PRKN: variants seen among roughly 807,000 people sequenced by gnomAD.
The protein encoded by PRKN is E3 ubiquitin-protein ligase parkin.
A neutral mutation model predicts 59.5 loss-of-function variants in PRKN; 56 were observed. The observed-to-expected ratio is 0.94, with a 90% confidence interval of 0.76 to 1.18. PRKN has a LOEUF of 1.18. PRKN is among the 50% of genes most tolerant of loss of function. The pLI is 0.00. For missense variants in PRKN, 657 were observed against 596.4 expected, an observed-to-expected ratio of 1.10 and a Z score of -1.06; for synonymous variants, 250 against 222.1, an observed-to-expected ratio of 1.13 and a Z score of -1.12.
intron 4 of PRKN, among the ~76,000 whole-genome samples, chr6:162,100,079 T>C (rs1433362694): frequency 6.6e-6 from 1 of 152,248 alleles, no homozygotes; most frequent in African/African-American, 2.4e-5. Flanking sequence ...TTCAGGTTCA[T>C]CCATGTTGTC....
At chr6:161,740,050 C>T (rs958778766) in intron 7 of PRKN, among the ~76,000 whole-genome samples, 11 of 152,266 alleles carry the variant, frequency 7.2e-5, no homozygotes, top group Admixed American at 2.6e-4. Context: ...CCACTGCGCC[C>T]GGCCAACACA....
chr6:161,446,864 A>G lies in PRKN; in HGVS notation c.1084-59987T>C, dbSNP rs1308931309. On this transcript the variant is annotated intron_variant, in intron 9 of 11. Coordinates refer to ENST00000366898, the MANE Select transcript of PRKN (RefSeq NM_004562.3). The surrounding 1 kb of genome is among the most constrained non-coding windows in gnomAD (Gnocchi z 6.2). ...ATCCATCAACCCATTTTTCTGCTGT[A>G]TACATAGAAAAGGACAACAGCCACT... is the stretch of plus-strand genomic sequence containing the variant. Among the ~76,000 whole-genome samples the G allele has an allele frequency of 6.6e-6, 1 of 152,130 alleles. No individual in the cohort carries two copies. The highest frequency in any genetic ancestry group is 1.5e-5 in the Non-Finnish European group (1 of 68,020).
chr6:162,383,900 T>C (rs1247841189), intron 2 of PRKN, among the ~76,000 whole-genome samples: 1 of 152,180 alleles, frequency 6.6e-6, no homozygotes. Context: ...GGAGATGGCT[T>C]CTCTCCTTCA....
chr6:161,968,782 A>C (rs987106746), intron 6 of PRKN, among the ~76,000 whole-genome samples: 1 of 152,172 alleles, frequency 6.6e-6, no homozygotes, highest in Non-Finnish European at 1.5e-5. Context: ...TAATATTTTA[A>C]AATAAAGACC....
intron 3 of PRKN, among the ~76,000 whole-genome samples, chr6:162,234,092 T>G (rs1778537941): frequency 6.6e-6 from 1 of 152,156 alleles, no homozygotes; most frequent in South Asian, 2.1e-4. Flanking sequence ...CAGCTCAGAA[T>G]CATAGTATTG....
At chr6:161,864,424 C>T (rs1794030090) in intron 6 of PRKN, among the ~76,000 whole-genome samples, 1 of 152,166 alleles carries the variant, frequency 6.6e-6, no homozygotes, top group South Asian at 2.1e-4. Context: ...CATCTTCAGG[C>T]TCCACTTCTC....
At chr6:162,327,792 T>C (rs1006849011) in intron 2 of PRKN, among the ~76,000 whole-genome samples, 3 of 152,132 alleles carry the variant, frequency 2.0e-5, no homozygotes, top group African/African-American at 7.2e-5. Context: ...TTTGGAAGTG[T>C]TTCCTGTCAA....
chr6:161,675,521 C>G (rs1398797853), intron 7 of PRKN, among the ~76,000 whole-genome samples: 3 of 152,216 alleles, frequency 2.0e-5, no homozygotes, highest in African/African-American at 7.2e-5. Flanking sequence ...GCAAAGACAA[C>G]TGTGATGCTG....
At chr6:161,940,686 T>C (rs1779528128) in intron 6 of PRKN, among the ~76,000 whole-genome samples, 1 of 152,182 alleles carries the variant, frequency 6.6e-6, no homozygotes, top group Non-Finnish European at 1.5e-5. Context: ...CATAAGTTAA[T>C]GATTATTTCA....
At chr6:162,258,310 C>G (rs1400571248) in intron 3 of PRKN, among the ~76,000 whole-genome samples, 2 of 152,146 alleles carry the variant, frequency 1.3e-5, no homozygotes, top group Admixed American at 1.3e-4. Context: ...GTGCTTGGCA[C>G]AGAGTAAGGA....
intron 1 of PRKN, among the ~76,000 whole-genome samples, chr6:162,620,842 C>A (rs1408978787): frequency 6.6e-6 from 1 of 152,228 alleles, no homozygotes; most frequent in Non-Finnish European, 1.5e-5. Context: ...GCATGAGCCA[C>A]TGTGCCCAGA....
chr6:162,603,081 C>A (rs562243713), intron 1 of PRKN, among the ~76,000 whole-genome samples: 13 of 152,158 alleles, frequency 8.5e-5, no homozygotes, highest in African/African-American at 3.1e-4. Flanking sequence ...AGGATTTTTT[C>A]TTTTGGTTCG....
At chr6:161,622,627 T>C (rs1347676784) in intron 7 of PRKN, among the ~76,000 whole-genome samples, 1 of 152,214 alleles carries the variant, frequency 6.6e-6, no homozygotes, top group African/African-American at 2.4e-5. Flanking sequence ...GTTCTGTTCC[T>C]CTTCTGTCTC....
chr6:162,144,461 T>G (rs1476232845), intron 4 of PRKN, among the ~76,000 whole-genome samples: 1 of 152,156 alleles, frequency 6.6e-6, no homozygotes, highest in Non-Finnish European at 1.5e-5. Context: ...TCACCATAAC[T>G]TACAGATGAG....
chr6:162,201,958 C>G (rs1784749945), intron 3 of PRKN, among the ~76,000 whole-genome samples: 1 of 152,130 alleles, frequency 6.6e-6, no homozygotes, highest in African/African-American at 2.4e-5. Flanking sequence ...TCAACTGTCA[C>G]CATATAGGGA....
Position 161,405,727 on chromosome 6 carries a change from C to A in PRKN, c.1084-18850G>T, listed in dbSNP as rs2114990582. 6.6e-6 allele frequency among the ~76,000 whole-genome samples: 1 copy of A among 152,170 alleles called. No homozygotes were observed. Among genetic ancestry groups the A allele is most frequent in the Admixed American group, 6.5e-5 (1 of 15,282 alleles). On this transcript the variant is annotated intron_variant, in intron 9 of 11. Coordinates refer to ENST00000366898, the MANE Select transcript of PRKN (RefSeq NM_004562.3). This position sits in a 1 kb window ranked among gnomAD's most constrained non-coding sequence, Gnocchi z 5.1. ...GGGAAACTGAGGGTCCATGAGTGCT[C>A]ACAGCCAGGCAGGCTCGTGTTCCAA...
At chr6:161,583,432 C>T (rs1222293244) in intron 7 of PRKN, among the ~76,000 whole-genome samples, 1 of 151,572 alleles carries the variant, frequency 6.6e-6, no homozygotes, top group Non-Finnish European at 1.5e-5. Flanking sequence ...TTCTTAGAAG[C>T]GTTGGTGTCA....
chr6:161,961,298 G>A (rs1780367408), intron 6 of PRKN, among the ~76,000 whole-genome samples: 1 of 152,142 alleles, frequency 6.6e-6, no homozygotes, highest in Non-Finnish European at 1.5e-5. Context: ...TCATTTCCAG[G>A]GTAATATGCA....
intron 5 of PRKN, among the ~76,000 whole-genome samples, chr6:162,026,260 C>A (rs898073474): frequency 3.3e-5 from 5 of 152,188 alleles, no homozygotes; most frequent in African/African-American, 1.2e-4. Context: ...AAATGGAAGG[C>A]AAGTTGGCTT....
Sources: allele counts gnomAD v4.1 joint callset (sites outside exome capture counted in the v4.1 genomes callset), GRCh38; gene constraint gnomAD v4.1.1; non-coding constraint Gnocchi (gnomAD v3.1); transcripts MANE v1.5; gene names NCBI Gene and HGNC (gene_info 2026-07-23, HGNC 2026-07-21).